Variants in ADGRF3 observed in about 807,000 individuals in gnomAD.
ADGRF3 encodes adhesion G protein-coupled receptor F3, also known as G protein-coupled receptor 113.
ADGRF3 carries 85 observed loss-of-function variants against 93.2 expected under a neutral mutation model. That is an observed-to-expected ratio of 0.91 (90% CI 0.77 to 1.09). The LOEUF (loss-of-function observed/expected upper bound fraction) is 1.09, where lower values mean the gene tolerates loss of function less well. Among genes scored for constraint, ADGRF3 ranks in the 50% least tolerant of loss-of-function variants. The pLI is 0.00. For missense variants in ADGRF3, 1,125 were observed against 1,246.2 expected (o/e 0.90, Z 1.46); for synonymous variants, 534 against 532.5 (o/e 1.00, Z -0.04).
At chr2:26,318,459 A>G (rs1674897863) in intron 1 of ADGRF3, among the ~76,000 whole-genome samples, 1 of 152,164 alleles carries the variant, frequency 6.6e-6, no homozygotes, top group Admixed American at 6.5e-5. Context: ...AGATTTAGAT[A>G]CAGATACAGA....
At chr2:26,315,425 G>A (rs1187165916) in intron 5 of ADGRF3, 97 bp downstream of exon 5, 21 of 1,271,928 alleles carry the variant, frequency 1.7e-5, no homozygotes, top group Non-Finnish European at 2.2e-5. Context: ...GGAGGGAGGC[G>A]TGGGAAGAAG....
At chr2:26,343,104 G>A (rs976302494) in intron 1 of ADGRF3, among the ~76,000 whole-genome samples, 1 of 152,138 alleles carries the variant, frequency 6.6e-6, no homozygotes, top group African/African-American at 2.4e-5. Flanking sequence ...TACCACGAAC[G>A]TGAGTAATGC....
chr2:26,345,867 C>T (rs199763572), intron 1 of ADGRF3: 4 of 502,584 alleles, frequency 8.0e-6, no homozygotes, highest in East Asian at 7.0e-5. Context: ...TTCACCCCCT[C>T]TCTTGCCTTA....
intron 9 of ADGRF3, 113 bp downstream of exon 9, chr2:26,312,830 G>T: frequency 2.1e-6 from 2 of 958,112 alleles, no homozygotes; most frequent in Non-Finnish European, 3.1e-6. Context: ...ACTCTGGAAA[G>T]GTCTGCTGCC....
chr2:26,340,976 C>T (rs1412668162), intron 1 of ADGRF3, among the ~76,000 whole-genome samples: 1 of 152,052 alleles, frequency 6.6e-6, no homozygotes, highest in Non-Finnish European at 1.5e-5. Context: ...TGATTTTACT[C>T]TTGCCTCATA....
At chr2:26,323,348 A>G (rs1039916493) in intron 1 of ADGRF3, among the ~76,000 whole-genome samples, 1 of 152,148 alleles carries the variant, frequency 6.6e-6, no homozygotes, top group Non-Finnish European at 1.5e-5. Context: ...TCCAATATAC[A>G]TAATGATTTT....
At chr2:26,338,196 G>C (rs1293527182) in intron 1 of ADGRF3, among the ~76,000 whole-genome samples, 3 of 152,072 alleles carry the variant, frequency 2.0e-5, no homozygotes, top group African/African-American at 7.2e-5. Context: ...ACGGAGAAGA[G>C]AGGTAGACAG....
chr2:26,314,132 C>T (rs1674442503), intron 6 of ADGRF3, among the ~76,000 whole-genome samples: 1 of 152,226 alleles, frequency 6.6e-6, no homozygotes. Context: ...TCCACCATTT[C>T]CTCATTTGTA....
chr2:26,319,020 G>A (rs1187735785), intron 1 of ADGRF3: 2 of 1,551,492 alleles, frequency 1.3e-6, no homozygotes, highest in African/African-American at 2.7e-5. Context: ...TTGTGGCCAG[G>A]AGCAGCAGTG....
chr2:26,315,257 A>G (rs1334716562), intron 5 of ADGRF3, among the ~76,000 whole-genome samples: 1 of 152,240 alleles, frequency 6.6e-6, no homozygotes, highest in Non-Finnish European at 1.5e-5. Context: ...GGGTCTCAGA[A>G]GTCCCAGACC....
chr2:26,317,643 T>A (rs769416153), intron 1 of ADGRF3, 81 bp from the exon 2 acceptor site: 670 of 1,229,770 alleles, frequency 5.4e-4, no homozygotes, highest in Non-Finnish European at 6.6e-4. Context: ...TCAGCCAGCA[T>A]GACTCAGTCT....
chr2:26,313,124 T>G lies in ADGRF3; in HGVS notation c.1270-2A>C, dbSNP rs866147305. ...ACTGCCCTGGCCTGCCTGCAGCAGC[T>G]GAGACAGACGAGACAGCATGAAGTG... On this transcript the variant is annotated splice_acceptor_variant, in intron 8 of 13. Coordinates refer to ENST00000651242, the MANE Select transcript of ADGRF3 (RefSeq NM_001321971.2). LOFTEE classifies it high-confidence loss of function. 3.7e-6 allele frequency: 6 copies of G among 1,613,608 alleles called. No individual in the cohort carries two copies. Among genetic ancestry groups the G allele is most frequent in the Non-Finnish European group, 4.2e-6 (5 of 1,179,826 alleles).
At chr2:26,328,416 C>T (rs1206906738) in intron 1 of ADGRF3, among the ~76,000 whole-genome samples, 2 of 150,698 alleles carry the variant, frequency 1.3e-5, no homozygotes, top group Non-Finnish European at 2.9e-5. Flanking sequence ...TTCTCCTCTT[C>T]TCTGGCGCTC....
rs1314807476 is a variant in ADGRF3 at position 26,346,247 on chromosome 2, A to G, written c.-13T>C. 6.2e-7 allele frequency: 1 copy of G among 1,613,486 alleles called. No homozygotes were observed. The highest frequency in any genetic ancestry group is 1.3e-5 in the African/African-American group (1 of 74,916). On this transcript the variant is annotated 5_prime_UTR_variant, in exon 1 of 14. Transcript: ENST00000651242. ...TTCGGGTCGTCATGGCTGGCTACGA[A>G]TACGTGAGCCCGGAGCAGCTGGCTG...
At position 26,346,137 on chromosome 2, in the gene ADGRF3, G is replaced by C. The variant is rs1440319634; in HGVS notation, c.98C>G (p.Thr33Ser). The change falls in exon 1 of 14, where the codon ACT (threonine) becomes AGT (serine). Residue 33 changes from threonine to serine, a missense_variant. Thr to Ser is a moderately conservative substitution (Grantham distance 58). Coordinates refer to ENST00000651242, the MANE Select transcript of ADGRF3 (RefSeq NM_001321971.2). ...CTCTCCTACCTTCTCGGGCAGCCCA[G>C]TCTTTGCCATCCTTGCCCAGCCGGT... ...HHTGWARMAKTGLPEKGQSQA... is the reference protein window; with the variant it reads ...HHTGWARMAKSGLPEKGQSQA... The C allele has an allele frequency of 8.8e-6, 14 of 1,599,890 alleles. No individual in the cohort carries two copies. The highest frequency in any genetic ancestry group is 4.0e-5 in the African/African-American group (3 of 74,578).
intron 9 of ADGRF3, among the ~76,000 whole-genome samples, chr2:26,312,649 T>G (rs1370442066): frequency 1.3e-5 from 2 of 152,186 alleles, no homozygotes; most frequent in African/African-American, 4.8e-5. Flanking sequence ...CCATAGAAAC[T>G]TCCTGTCTGT....
At chr2:26,332,607 G>A (rs1271020621) in intron 1 of ADGRF3, among the ~76,000 whole-genome samples, 1 of 152,088 alleles carries the variant, frequency 6.6e-6, no homozygotes, top group Non-Finnish European at 1.5e-5. Context: ...GGGCATGGTG[G>A]TATGTGCCTG....
In ADGRF3 at chr2:26,316,441, A is replaced by G; in HGVS notation, c.333T>C (p.Asn111=). The G allele has an allele frequency of 1.3e-6, 2 of 1,551,610 alleles. No individual in the cohort carries two copies. The highest frequency in any genetic ancestry group is 1.7e-6 in the Non-Finnish European group (2 of 1,146,932). The change falls in exon 4 of 14, where the codon AAT becomes AAC. Residue 111 remains asparagine (N), a synonymous_variant. Transcript: ENST00000651242. ...AATAGAAATTCCCCTTGTGGTTGAC[A>G]TTACACTCTGACAGAGAGAAGAGAA... ...LTGLRLTTEC[N]VNHKGNFYCA...
chr2:26,323,176 C>A (rs1675252702), intron 1 of ADGRF3, among the ~76,000 whole-genome samples: 1 of 152,118 alleles, frequency 6.6e-6, no homozygotes, highest in Non-Finnish European at 1.5e-5. Flanking sequence ...TATATCAAAT[C>A]TTACAGTCTT....
Sources: allele counts gnomAD v4.1 joint callset (sites outside exome capture counted in the v4.1 genomes callset), GRCh38; gene constraint gnomAD v4.1.1; transcripts MANE v1.5; gene names NCBI Gene and HGNC (gene_info 2026-07-23, HGNC 2026-07-21).